NBPF11: variants seen among roughly 807,000 people sequenced by gnomAD.
NBPF11 encodes NBPF family member NBPF11.
NBPF11 carries 72 observed loss-of-function variants against 93.9 expected under a neutral mutation model. That is an observed-to-expected ratio of 0.77 (90% CI 0.63 to 0.93). The LOEUF (loss-of-function observed/expected upper bound fraction) is 0.93, where lower values mean the gene tolerates loss of function less well. NBPF11 is among the 40% of genes least tolerant of loss of function. NBPF11 has a pLI of 0.00. For synonymous variants in NBPF11, 224 were observed against 304.9 expected, an observed-to-expected ratio of 0.73 and a Z score of 2.76; for missense variants, 705 against 802.2, an observed-to-expected ratio of 0.88 and a Z score of 1.46.
chr1:148,111,344 T>C (rs1351412768), intron 15 of NBPF11, among the ~76,000 whole-genome samples: 1 of 151,880 alleles, frequency 6.6e-6, no homozygotes, highest in South Asian at 2.1e-4. Flanking sequence ...ACATCCCTTC[T>C]CCTCCAAAGG....
chr1:148,119,430 A>G (rs1346056657), intron 10 of NBPF11, among the ~76,000 whole-genome samples: 5 of 152,010 alleles, frequency 3.3e-5, no homozygotes, highest in African/African-American at 1.2e-4. Context: ...GGTAGGTATT[A>G]TTGTAGTACC....
At chr1:148,122,405 C>T (rs1286624524) in intron 8 of NBPF11, 139 bp from the exon 9 acceptor site, 6 of 1,413,178 alleles carry the variant, frequency 4.2e-6, no homozygotes, top group African/African-American at 1.4e-5. Flanking sequence ...TAAGAGGGAA[C>T]AGGCAATCCT....
chr1:148,120,908 G>C (rs1667673377), intron 9 of NBPF11, among the ~76,000 whole-genome samples, 198 bp from the exon 10 acceptor site: 3 of 152,006 alleles, frequency 2.0e-5, no homozygotes, highest in Admixed American at 6.5e-5. Context: ...TTGAAACCAA[G>C]ACATAAACAC....
At chr1:148,115,203 A>AAAAAT (rs1666203959) in intron 14 of NBPF11, among the ~76,000 whole-genome samples, 1 of 123,112 alleles carries the variant, frequency 8.1e-6, no homozygotes. Context: ...AAAAAAAAAA[A>AAAAAT]TCTACGACGC....
At chr1:148,105,727 C>G (rs1299581545) in intron 21 of NBPF11, among the ~76,000 whole-genome samples, 199 bp from the exon 22 acceptor site, 53 of 97,650 alleles carry the variant, frequency 5.4e-4, no homozygotes, top group African/African-American at 3.1e-3. Context: ...GACAGACACA[C>G]ACACACACAC....
intron 12 of NBPF11, among the ~76,000 whole-genome samples, chr1:148,116,843 C>T (rs1372440068): frequency 6.6e-6 from 1 of 152,102 alleles, no homozygotes; most frequent in Admixed American, 6.5e-5. Context: ...CCTGCCAGAT[C>T]TGATTCCCAG....
At position 148,116,482 on chromosome 1, in the gene NBPF11, G is replaced by A. The variant is rs2149213249; in HGVS notation, c.1360C>T (p.Gln454Ter). The A allele has an allele frequency of 2.7e-6, 2 of 748,348 alleles. No individual in the cohort carries two copies. The highest frequency in any genetic ancestry group is 2.4e-5 in the East Asian group (1 of 40,882). The allele number at this position is 748,348 out of a possible 1,614,324, so 46.4% of individuals were successfully genotyped here. A position where few individuals can be genotyped will look rare whatever the true frequency, so the allele number is the denominator to read the frequency against. Residue 454 changes from glutamine (Q) to a stop codon, truncating the protein, a stop_gained, in exon 13 of 24, where the codon CAG becomes TAG. Transcript: ENST00000682118. LOFTEE classifies it high-confidence loss of function. ...TGTTACCTGGGGGAAGACGATTTCT[G>A]CACTTTCTCAGCCACCTCAACTTGA... Reference protein sequence around the residue: ...DVQVEVAEKVQKSSSPREMQK... With the variant: ...DVQVEVAEKV
At chr1:148,129,199 A>AAT (rs1227566241) in intron 4 of NBPF11, among the ~76,000 whole-genome samples, 1 of 140,968 alleles carries the variant, frequency 7.1e-6, no homozygotes, top group South Asian at 2.1e-4. Flanking sequence ...GTATATATAA[A>AAT]ATATATATAC....
chr1:148,122,301 T>C (rs2149236399), intron 8 of NBPF11, 35 bp from the exon 9 acceptor site: 4 of 1,610,002 alleles, frequency 2.5e-6, no homozygotes, highest in Non-Finnish European at 3.4e-6. Context: ...TGACAGAAGA[T>C]TAAACACAGA....
At chr1:148,134,735 G>A (rs1298131029) in intron 4 of NBPF11, among the ~76,000 whole-genome samples, 3 of 151,844 alleles carry the variant, frequency 2.0e-5, no homozygotes, top group African/African-American at 4.9e-5. Context: ...ATGGCATTGG[G>A]GCTGGTACAG....
intron 14 of NBPF11, among the ~76,000 whole-genome samples, chr1:148,115,164 C>CAAAAAAAAA (rs57869119): frequency 2.5e-4 from 3 of 12,160 alleles, no homozygotes; most frequent in East Asian, 3.1e-3. Context: ...GACTCCATCA[C>CAAAAAAAAA]AAAAAAAAAA....
intron 1 of NBPF11, among the ~76,000 whole-genome samples, chr1:148,151,460 C>G (rs1283963271): frequency 6.6e-5 from 10 of 152,156 alleles, no homozygotes; most frequent in African/African-American, 2.2e-4. Context: ...CGAAGACGTG[C>G]CCCCGAAGCT....
In NBPF11 at chr1:148,124,894, C is replaced by T. The variant is rs1668734589; in HGVS notation, c.278+5G>A. ...TGCCTGTCTCCCCCTACGGGGTCCCCTCACCTGAGCTCCTCAGCTTGCTTG... is the reference window on the plus strand; with the variant it reads ...TGCCTGTCTCCCCCTACGGGGTCCCTTCACCTGAGCTCCTCAGCTTGCTTG... On this transcript the variant is annotated splice_donor_5th_base_variant and intron_variant, in intron 6 of 23. Coordinates refer to ENST00000682118, the MANE Select transcript of NBPF11 (RefSeq NM_001385469.3). 2.5e-6 allele frequency: 4 copies of T among 1,608,756 alleles called. No individual in the cohort carries two copies. The South Asian group carries it at 3.3e-5, about 13-fold the overall frequency.
intron 16 of NBPF11, among the ~76,000 whole-genome samples, chr1:148,110,174 C>G (rs1312753553): frequency 2.0e-5 from 3 of 151,908 alleles, no homozygotes; most frequent in African/African-American, 7.3e-5. Flanking sequence ...TGGCCTGAGA[C>G]TAGGAAGAGA....
intron 1 of NBPF11, among the ~76,000 whole-genome samples, chr1:148,148,916 A>G (rs1454096217): frequency 6.6e-6 from 1 of 151,278 alleles, no homozygotes; most frequent in Non-Finnish European, 1.5e-5. Context: ...TGCAGATCCT[A>G]GCTAGGAAAC....
At chr1:148,148,613 T>C (rs1647358108) in intron 1 of NBPF11, among the ~76,000 whole-genome samples, 1 of 151,942 alleles carries the variant, frequency 6.6e-6, no homozygotes, top group African/African-American at 2.4e-5. Flanking sequence ...TGCACTGGCA[T>C]CTCACTGGGC....
Position 148,110,440 on chromosome 1 carries a change from G to C in NBPF11, c.1739C>G (p.Ser580Cys). Residue 580 changes from serine to cysteine, a missense_variant, in exon 16 of 24, where the codon TCT becomes TGT. Ser to Cys is a moderately radical substitution (Grantham distance 112). Around this residue, in one of 12 missense-constraint regions of NBPF11, gnomAD observed 19 missense variants for 16.3 expected, o/e 1.17. Transcript: ENST00000682118. Reference protein sequence around the residue: ...IPPERLASYQSYSSTFHSLEE... With the variant: ...IPPERLASYQCYSSTFHSLEE... ...TAATGAGTGAAATGTGCTGCTGTAA[G>C]ACTGGTACGAGGCCAACCTTTCAGG... 6.3e-7 allele frequency: 1 copy of C among 1,592,910 alleles called. No individual in the cohort carries two copies. Among genetic ancestry groups the C allele is most frequent in the South Asian group, 1.1e-5 (1 of 90,594 alleles).
intron 4 of NBPF11, chr1:148,129,598 C>G (rs1273570989): frequency 6.0e-6 from 1 of 166,140 alleles, no homozygotes; most frequent in Non-Finnish European, 1.3e-5. Context: ...AAACCTTCCT[C>G]AACATCACGC....
intron 1 of NBPF11, chr1:148,146,277 G>C (rs1465189584): frequency 3.9e-6 from 5 of 1,292,828 alleles, no homozygotes; most frequent in Non-Finnish European, 4.9e-6. Context: ...CGGTAGCTGG[G>C]GGGGCGCTCT....
Sources: allele counts gnomAD v4.1 joint callset (sites outside exome capture counted in the v4.1 genomes callset), GRCh38; gene constraint gnomAD v4.1.1; regional missense constraint gnomAD v4.1.1; transcripts MANE v1.5; gene names NCBI Gene and HGNC (gene_info 2026-07-23, HGNC 2026-07-21).